Variants in PCDH1 observed in about 807,000 individuals in gnomAD.
PCDH1 encodes protocadherin-1.
PCDH1 carries 23 observed loss-of-function variants against 74.6 expected under a neutral mutation model. The ratio of observed to expected loss-of-function variants is 0.31; its 90% confidence interval spans 0.22 to 0.44. The LOEUF is 0.44. PCDH1 is among the 20% of genes least tolerant of loss of function. PCDH1 has a pLI of 1.00. For missense variants in PCDH1, 1,214 were observed against 1,641.4 expected (o/e 0.74, Z 4.50); for synonymous variants, 647 against 686.1 (o/e 0.94, Z 0.89).
At position 141,857,264 on chromosome 5, in the gene PCDH1, G is replaced by C. The variant is rs776251357; in HGVS notation, c.3307C>G (p.His1103Asp). The C allele has an allele frequency of 6.3e-7, 1 of 1,581,944 alleles. No homozygotes were observed. The highest frequency in any genetic ancestry group is 8.6e-7 in the Non-Finnish European group (1 of 1,164,454). ...TPDGSIGEMEHPENDLRPLPD... is the reference protein window; with the variant it reads ...TPDGSIGEMEDPENDLRPLPD... ...TGCTGCGCCTCACCATTCTCGGGGT[G>C]CTCCATCTCTCCTATGCTGCCATCA... Residue 1103 changes from histidine (H) to aspartate (D), a missense_variant, in exon 4 of 5, where the codon CAC (histidine) becomes GAC (aspartate). Around this residue, in one of 4 missense-constraint regions of PCDH1, gnomAD observed 194 missense variants for 198.3 expected, o/e 0.98. Coordinates refer to ENST00000287008, the MANE Select transcript of PCDH1 (RefSeq NM_032420.5).
intron 1 of PCDH1, among the ~76,000 whole-genome samples, chr5:141,873,592 G>T (rs1158271220): frequency 6.8e-6 from 1 of 147,502 alleles, no homozygotes; most frequent in South Asian, 2.2e-4. Context: ...GACTACAGGC[G>T]CCCGCCACCA....
In PCDH1 at chr5:141,854,103, T is replaced by A; in HGVS notation, c.3653A>T (p.Asp1218Val). ...LEEIPLTQTS[D>V]FPPAATPASA... The stretch of plus-strand genomic sequence containing the variant: ...TGCCGGTGTGGCTGCGGGTGGGAAG[T>A]CCGAGGTCTGGGTCAGGGGGATTTC... The change falls in exon 5 of 5, where the codon GAC becomes GTC. Residue 1218 changes from aspartate to valine, a missense_variant. By Grantham distance (152) the Asp-to-Val change is radical. Coordinates refer to ENST00000287008, the MANE Select transcript of PCDH1 (RefSeq NM_032420.5). The A allele has an allele frequency of 6.4e-7, 1 of 1,560,082 alleles. No homozygotes were observed. Among genetic ancestry groups the A allele is most frequent in the South Asian group, 1.2e-5 (1 of 82,998 alleles).
rs1370141690 is a variant in PCDH1 at position 141,854,291 on chromosome 5, G to A, written c.3465C>T (p.Phe1155=). The change falls in exon 5 of 5, where the codon TTC becomes TTT. Residue 1155 remains phenylalanine (F), a synonymous_variant. Coordinates refer to ENST00000287008, the MANE Select transcript of PCDH1 (RefSeq NM_032420.5). ...GCCCTCCTCGGTCCTGGTAAGGCAC[G>A]AAGGTGGAGAGTTTGAGGGCGCTGC... is the stretch of plus-strand genomic sequence containing the variant. ...TKSSALKLST[F]VPYQDRGGQE... 4 of 1,613,910 alleles carry A rather than the reference G, an allele frequency of 2.5e-6. No homozygotes were observed. Among genetic ancestry groups the A allele is most frequent in the East Asian group, 2.2e-5 (1 of 44,866 alleles).
At chr5:141,875,665 C>G (rs1317314527) in intron 1 of PCDH1, among the ~76,000 whole-genome samples, 1 of 152,168 alleles carries the variant, frequency 6.6e-6, no homozygotes, top group Non-Finnish European at 1.5e-5. Context: ...GCTGAAGTCC[C>G]TTTTGGAATT....
intron 2 of PCDH1, among the ~76,000 whole-genome samples, chr5:141,867,126 G>A (rs1379402776): frequency 2.6e-5 from 4 of 152,148 alleles, no homozygotes; most frequent in Non-Finnish European, 4.4e-5. Context: ...CTCTAGATTG[G>A]TCTTCCAGCT....
At position 141,864,976 on chromosome 5, in the gene PCDH1, C is replaced by T; in HGVS notation, c.1355G>A (p.Ser452Asn). 6.2e-7 allele frequency: 1 copy of T among 1,614,150 alleles called. No homozygotes were observed. The highest frequency in any genetic ancestry group is 8.5e-7 in the Non-Finnish European group (1 of 1,180,036). ...LRQASETGSD[S>N]KKKYFLQTTT... ...AGTCTGCAGGAAATACTTCTTCTTG[C>T]TGTCACTGCCTGTCTCACTGGCCTG... The change falls in exon 3 of 5, where the codon AGC (serine) becomes AAC (asparagine). Residue 452 changes from serine (S) to asparagine (N), a missense_variant. By Grantham distance (46) the Ser-to-Asn change is conservative (BLOSUM62 1). This residue lies in a region of PCDH1 where 836 missense variants were observed against 1,182.2 expected (regional missense o/e 0.71). Transcript: ENST00000287008. This position sits in a 1 kb window ranked among gnomAD's most constrained non-coding sequence, Gnocchi z 5.9.
intron 1 of PCDH1, among the ~76,000 whole-genome samples, chr5:141,871,077 C>A (rs565577331): frequency 1.3e-5 from 2 of 152,244 alleles, no homozygotes; most frequent in Non-Finnish European, 2.9e-5. Context: ...GGACACCGCC[C>A]GCCTGTGTTG....
chr5:141,864,732 A>G lies in PCDH1; in HGVS notation c.1599T>C (p.Ala533=), dbSNP rs1261649738. The G allele has an allele frequency of 6.2e-7, 1 of 1,614,040 alleles. No homozygotes were observed. Among genetic ancestry groups the G allele is most frequent in the Non-Finnish European group, 8.5e-7 (1 of 1,180,044 alleles). The change falls in exon 3 of 5, where the codon GCT becomes GCC. Residue 533 remains alanine, a synonymous_variant. Transcript: ENST00000287008. This position sits in a 1 kb window ranked among gnomAD's most constrained non-coding sequence, Gnocchi z 5.9. ...CCAGCTCAGCATTAGAGCCAGAGTC[A>G]GCATCACTGGCAGTGATCTCAGCAA... ...EVIAEITASD[A]DSGSNAELVY... is the part of the protein sequence containing the mutation.
At chr5:141,877,439 C>G (rs776985222) in intron 1 of PCDH1, among the ~76,000 whole-genome samples, 15 of 152,228 alleles carry the variant, frequency 9.9e-5, no homozygotes, top group Admixed American at 5.9e-4. Flanking sequence ...ATGATATATG[C>G]TAGGGTGTGT....
chr5:141,876,018 G>T (rs1753219463), intron 1 of PCDH1, among the ~76,000 whole-genome samples: 2 of 152,240 alleles, frequency 1.3e-5, no homozygotes, highest in African/African-American at 4.8e-5. Flanking sequence ...CTTCCTGCAC[G>T]AAGCGACCCA....
At chr5:141,870,922 C>A (rs577364986) in intron 1 of PCDH1, among the ~76,000 whole-genome samples, 6 of 152,300 alleles carry the variant, frequency 3.9e-5, no homozygotes, top group South Asian at 2.1e-4. Context: ...AACACCCACC[C>A]CACATCAATC....
chr5:141,862,852 G>T (rs756057924), intron 3 of PCDH1: 1 of 1,120,640 alleles, frequency 8.9e-7, no homozygotes, highest in Non-Finnish European at 1.1e-6. Flanking sequence ...CCTAGGTCTG[G>T]TCTGACATAG....
chr5:141,862,258 C>A (rs1174507303), intron 3 of PCDH1, among the ~76,000 whole-genome samples: 1 of 152,162 alleles, frequency 6.6e-6, no homozygotes, highest in Non-Finnish European at 1.5e-5. Context: ...CTACTCCCTA[C>A]CAGGTGCTCC....
In PCDH1 at chr5:141,863,828, C is replaced by A; in HGVS notation, c.2503G>T (p.Asp835Tyr). Reference sequence around the variant, plus strand: ...TCTGGATCCCCAGCAATGTCAATATCCAGCGGCGTGTCCAGGCTGTGGCCC... The same window carrying A: ...TCTGGATCCCCAGCAATGTCAATATACAGCGGCGTGTCCAGGCTGTGGCCC... Reference protein sequence around the residue: ...LLGHSLDTPLDIDIAGDPEYE... With the variant: ...LLGHSLDTPLYIDIAGDPEYE... The change falls in exon 3 of 5, where the codon GAT (aspartate) becomes TAT (tyrosine). Residue 835 changes from aspartate (D) to tyrosine (Y), a missense_variant. Asp to Tyr is a radical substitution (Grantham distance 160). This residue lies in a region of PCDH1 where 836 missense variants were observed against 1,182.2 expected (regional missense o/e 0.71). Transcript: ENST00000287008. The surrounding 1 kb of genome is among the most constrained non-coding windows in gnomAD (Gnocchi z 7.5). The A allele has an allele frequency of 6.2e-7, 1 of 1,614,212 alleles. No homozygotes were observed.
chr5:141,863,876 G>A lies in PCDH1; in HGVS notation c.2455C>T (p.Arg819Cys), dbSNP rs576196969. ...CCCAGGAGGGTCTCCAGCAGCGTGC[G>A]GTTGGCCAGAGTCTCATTGACATAA... The part of the protein sequence containing the change: ...HLYVNETLAN[R>C]TLLETLLGHS... The change falls in exon 3 of 5, where the codon CGC (arginine) becomes TGC (cysteine). Residue 819 changes from arginine to cysteine, a missense_variant. By Grantham distance (180) the Arg-to-Cys change is radical. This residue lies in a region of PCDH1 where 836 missense variants were observed against 1,182.2 expected (regional missense o/e 0.71). Coordinates refer to ENST00000287008, the MANE Select transcript of PCDH1 (RefSeq NM_032420.5). The surrounding 1 kb of genome is among the most constrained non-coding windows in gnomAD (Gnocchi z 7.5). 8.7e-6 allele frequency: 14 copies of A among 1,614,156 alleles called. No homozygotes were observed. The East Asian group carries it at 8.9e-5, about 10-fold the overall frequency.
rs3822357 is a variant in PCDH1, at chr5:141,864,791, C to T, written c.1540G>A (p.Ala514Thr). The change falls in exon 3 of 5, where the codon GCC becomes ACC. Residue 514 changes from alanine (A) to threonine (T), a missense_variant. Coordinates refer to ENST00000287008, the MANE Select transcript of PCDH1 (RefSeq NM_032420.5). The surrounding 1 kb of genome is among the most constrained non-coding windows in gnomAD (Gnocchi z 5.9). ...CCAGGCTTGTTGTTTTCCGGGAAGGCGACCTCAGTGACACTCTGAGTGAAG... is the reference window on the plus strand; with the variant it reads ...CCAGGCTTGTTGTTTTCCGGGAAGGTGACCTCAGTGACACTCTGAGTGAAG... The part of the protein sequence containing the change: ...PVFTQSVTEV[A>T]FPENNKPGEV... The T allele has an allele frequency of 0.072, 116,279 of 1,614,012 alleles. 4,887 individuals carry two copies. Among genetic ancestry groups the T allele is most frequent in the Admixed American group, 0.15 (9,160 of 60,010 alleles).
chr5:141,872,159 C>G (rs1753111784), intron 1 of PCDH1, among the ~76,000 whole-genome samples: 1 of 143,454 alleles, frequency 7.0e-6, no homozygotes, highest in Non-Finnish European at 1.5e-5. Flanking sequence ...GGACCTGGCA[C>G]AAGGCTCATC....
intron 1 of PCDH1, among the ~76,000 whole-genome samples, chr5:141,877,648 G>T (rs188345937): frequency 7.2e-5 from 11 of 152,326 alleles, no homozygotes; most frequent in Non-Finnish European, 1.5e-4. Flanking sequence ...AGCGGATTCT[G>T]AGCTGGCGAC....
chr5:141,875,715 T>C (rs573684890), intron 1 of PCDH1, among the ~76,000 whole-genome samples: 2 of 152,106 alleles, frequency 1.3e-5, no homozygotes, highest in Non-Finnish European at 2.9e-5. Context: ...AAAAACTAAA[T>C]GCGGCCAGAA....
Sources: gnomAD v4.1 joint callset for allele counts (sites outside exome capture counted in the v4.1 genomes callset) on GRCh38, gnomAD v4.1.1 for gene constraint, gnomAD v4.1.1 regional missense constraint, Gnocchi (gnomAD v3.1) non-coding constraint, MANE v1.5 for transcripts, NCBI Gene and HGNC (gene_info 2026-07-23, HGNC 2026-07-21) for gene names.